GTF2F2: variants seen among roughly 807,000 people sequenced by gnomAD.
The protein encoded by GTF2F2 is general transcription factor IIF subunit 2.
In GTF2F2, 23 loss-of-function variants were observed where a neutral mutation model predicts 42.2. The observed-to-expected ratio is 0.55, with a 90% CI of 0.39 to 0.77. The LOEUF (loss-of-function observed/expected upper bound fraction) is 0.77. GTF2F2 is among the 30% of genes least tolerant of loss of function. The pLI, the probability that GTF2F2 is intolerant of heterozygous loss-of-function variation, is 0.00. For missense variants in GTF2F2, 261 were observed against 287.2 expected (o/e 0.91, Z 0.66); for synonymous variants, 105 against 100.8 (o/e 1.04, Z -0.25).
chr13:45,197,383 T>C (rs929698196), intron 4 of GTF2F2, among the ~76,000 whole-genome samples: 10 of 150,746 alleles, frequency 6.6e-5, no homozygotes, highest in Non-Finnish European at 1.3e-4. Flanking sequence ...TTGGTGTATG[T>C]CTGTAGTCCC....
intron 5 of GTF2F2, among the ~76,000 whole-genome samples, chr13:45,241,409 C>A (rs1875299494): frequency 6.6e-6 from 1 of 152,170 alleles, no homozygotes; most frequent in East Asian, 1.9e-4. Flanking sequence ...GTTTGTGATT[C>A]TCTTCCACCA....
At chr13:45,205,991 T>G (rs1190314572) in intron 4 of GTF2F2, among the ~76,000 whole-genome samples, 1 of 152,228 alleles carries the variant, frequency 6.6e-6, no homozygotes, top group African/African-American at 2.4e-5. Flanking sequence ...ATAAGCTTTT[T>G]GCTTTAAGAA....
chr13:45,185,816 TTAG>T (rs1464424668), intron 4 of GTF2F2, among the ~76,000 whole-genome samples: 1 of 152,224 alleles, frequency 6.6e-6, no homozygotes, highest in Non-Finnish European at 1.5e-5. Flanking sequence ...CTCACCTTTA[TTAG>T]TAATTATTTC....
rs77480082 is a variant in GTF2F2, at chr13:45,183,899, A to C, written c.305-23525A>C. 6.1e-3 allele frequency among the ~76,000 whole-genome samples: 932 copies of C among 151,920 alleles called. 7 individuals are homozygous for C. Among genetic ancestry groups the C allele is most frequent in the African/African-American group, 0.021 (876 of 41,354 alleles). On this transcript the variant is annotated intron_variant, in intron 4 of 7. Transcript: ENST00000340473. ...GAGACAGAGTCTTTCTTGGTCACCCAGGCTAGGGTACAGTGGCACGATCTT... is the reference window on the plus strand; with the variant it reads ...GAGACAGAGTCTTTCTTGGTCACCCCGGCTAGGGTACAGTGGCACGATCTT...
intron 7 of GTF2F2, among the ~76,000 whole-genome samples, chr13:45,282,224 ATAT>A (rs1306189810): frequency 6.6e-6 from 1 of 151,676 alleles, no homozygotes; most frequent in African/African-American, 2.4e-5. Context: ...ATAATAATTA[ATAT>A]TATTATCTTT....
intron 7 of GTF2F2, among the ~76,000 whole-genome samples, chr13:45,277,696 A>G (rs1376428021): frequency 6.6e-6 from 1 of 152,246 alleles, no homozygotes; most frequent in African/African-American, 2.4e-5. Flanking sequence ...TTCTGTTGAT[A>G]TCTCTTAAAG....
intron 2 of GTF2F2, among the ~76,000 whole-genome samples, chr13:45,140,337 T>G (rs1005368624): frequency 8.5e-5 from 13 of 152,202 alleles, no homozygotes; most frequent in African/African-American, 3.1e-4. Flanking sequence ...TAATATCTCG[T>G]TTTCTCAAGG....
intron 5 of GTF2F2, among the ~76,000 whole-genome samples, chr13:45,210,719 T>C (rs535196152): frequency 6.6e-6 from 1 of 152,224 alleles, no homozygotes. Flanking sequence ...AGTGAATGAA[T>C]GGCACAAGAT....
At position 45,207,468 on chromosome 13, in the gene GTF2F2, C is replaced by T. The variant is rs764676660; in HGVS notation, c.349C>T (p.Arg117Ter). Residue 117 changes from arginine (R) to a stop codon, truncating the protein, a stop_gained, in exon 5 of 8, where the codon CGA becomes TGA. Transcript: ENST00000340473. LOFTEE classifies it high-confidence loss of function. ...AATAGTGGTACAAAGAGCTGAATGCCGACCAGCTGCCAGTGAAAACTACAT... is the reference window on the plus strand; with the variant it reads ...AATAGTGGTACAAAGAGCTGAATGCTGACCAGCTGCCAGTGAAAACTACAT... ...EGIVVQRAEC[R>*]PAASENYMRL... The T allele has an allele frequency of 5.6e-6, 9 of 1,611,290 alleles. No individual in the cohort carries two copies. The highest frequency in any genetic ancestry group is 4.4e-5 in the South Asian group (4 of 91,000).
chr13:45,193,562 G>GT (rs1872739162), intron 4 of GTF2F2: 1 of 484,394 alleles, frequency 2.1e-6, no homozygotes, highest in East Asian at 3.1e-5. Flanking sequence ...TATATAGAAG[G>GT]TTACTGTTTT....
chr13:45,140,252 G>A (rs944819660), intron 2 of GTF2F2, among the ~76,000 whole-genome samples: 4 of 151,902 alleles, frequency 2.6e-5, no homozygotes, highest in South Asian at 4.1e-4. Flanking sequence ...ATGCCCAGCC[G>A]ATGTTTAAAA....
intron 4 of GTF2F2, chr13:45,192,886 C>T (rs1004920198): frequency 4.6e-5 from 7 of 152,116 alleles, no homozygotes. Flanking sequence ...ATTCTAATAA[C>T]AGATACTCTA....
chr13:45,138,668 C>G (rs1869759460), intron 2 of GTF2F2, among the ~76,000 whole-genome samples: 1 of 152,160 alleles, frequency 6.6e-6, no homozygotes, highest in African/African-American at 2.4e-5. Context: ...TTTTTCGAGA[C>G]AATGTCTCAC....
chr13:45,239,111 T>A (rs773573079), intron 5 of GTF2F2, among the ~76,000 whole-genome samples: 1 of 152,198 alleles, frequency 6.6e-6, no homozygotes, highest in Non-Finnish European at 1.5e-5. Context: ...GTGAGCTGCC[T>A]GCCTCCCTGG....
At chr13:45,260,768 C>T (rs1307264961) in intron 6 of GTF2F2, among the ~76,000 whole-genome samples, 1 of 152,030 alleles carries the variant, frequency 6.6e-6, no homozygotes, top group African/African-American at 2.4e-5. Context: ...ACCTGTAATC[C>T]CAGCACTTTC....
At chr13:45,141,532 G>A (rs915587713) in intron 2 of GTF2F2, among the ~76,000 whole-genome samples, 2 of 152,162 alleles carry the variant, frequency 1.3e-5, no homozygotes, top group African/African-American at 4.8e-5. Context: ...AGTGTTAGCA[G>A]ATGTGTGTGT....
Position 45,252,907 on chromosome 13 carries a change from A to T in GTF2F2, c.423A>T (p.Leu141=). The change falls in exon 6 of 8, where the codon CTA becomes CTT. Residue 141 remains leucine, a synonymous_variant. Transcript: ENST00000340473. ...QIEESSKPVR[L]SQQLDKVVTT... ...AAGAGTCTTCCAAACCAGTGAGGCT[A>T]TCACAACAGCTGGACAAAGTTGTAA... The T allele has an allele frequency of 6.6e-7, 1 of 1,514,092 alleles. No homozygotes were observed. The highest frequency in any genetic ancestry group is 8.8e-7 in the Non-Finnish European group (1 of 1,137,064). 93.8% of individuals were successfully genotyped at this position (1,514,092 alleles called of 1,614,324 possible). A position where few individuals can be genotyped will look rare whatever the true frequency, so the allele number is the denominator to read the frequency against.
At chr13:45,195,815 T>C (rs2138175633) in intron 4 of GTF2F2, among the ~76,000 whole-genome samples, 1 of 152,238 alleles carries the variant, frequency 6.6e-6, no homozygotes, top group Middle Eastern at 3.4e-3. Context: ...TTTGTTGTAG[T>C]TTTAGTTTTT....
At chr13:45,165,302 A>T (rs866498711) in intron 4 of GTF2F2, among the ~76,000 whole-genome samples, 14 of 145,508 alleles carry the variant, frequency 9.6e-5, no homozygotes, top group Middle Eastern at 3.6e-3. Context: ...CATTAGATTT[A>T]TATCTAAAAT....
Sources: allele counts gnomAD v4.1 joint callset (sites outside exome capture counted in the v4.1 genomes callset), GRCh38; gene constraint gnomAD v4.1.1; transcripts MANE v1.5; gene names NCBI Gene and HGNC (gene_info 2026-07-23, HGNC 2026-07-21).